The following ZNF853 variants were observed in gnomAD, a reference collection of about 807,000 sequenced individuals.
ZNF853 encodes zinc finger protein 853.
A neutral mutation model predicts 94.7 loss-of-function variants in ZNF853; 57 were observed. That is an observed-to-expected ratio of 0.60 (90% confidence interval 0.49 to 0.75). The LOEUF is 0.75. Ranked by LOEUF, ZNF853 falls within the 30% of genes least tolerant of loss-of-function variation. The probability of loss-of-function intolerance (pLI) is 0.00; values close to 1 mark genes in which losing one functional copy is unlikely to be tolerated. For synonymous variants in ZNF853, 448 were observed against 406.3 expected (o/e 1.10, Z -1.23); for missense variants, 785 against 868.9 (o/e 0.90, Z 1.21).
chr7:6,616,377 G>C, intron 1 of ZNF853, among the ~76,000 whole-genome samples, 191 bp downstream of exon 1: 1 of 152,280 alleles, frequency 6.6e-6, no homozygotes, highest in Admixed American at 6.5e-5. Flanking sequence ...TGCCTTGCCC[G>C]GGAGCTGGGG....
In ZNF853 at chr7:6,617,303, C is replaced by T. The variant is rs1478775218; in HGVS notation, c.126C>T (p.Leu42=). 2.0e-6 allele frequency: 3 copies of T among 1,480,056 alleles called. No individual in the cohort carries two copies. The highest frequency in any genetic ancestry group is 2.9e-5 in the African/African-American group (2 of 70,072). The allele number at this position is 1,480,056 out of a possible 1,614,324, so 91.7% of individuals were successfully genotyped here. A position where few individuals can be genotyped will look rare whatever the true frequency, so the allele number is the denominator to read the frequency against. ...ATGGGGGCCCAGGGCCTGACACCCT[C>T]TCAGGTGAGGGCCTCGGGGGATCCC... The part of the protein sequence containing the change: ...LEDGGPGPDT[L]SGGSGGSESQ... Residue 42 remains leucine, a synonymous_variant, in exon 2 of 3, where the codon CTC becomes CTT. Transcript: ENST00000457543.
intron 1 of ZNF853, among the ~76,000 whole-genome samples, 161 bp from the exon 2 acceptor site, chr7:6,617,029 G>A: frequency 1.3e-5 from 2 of 152,152 alleles, no homozygotes; most frequent in South Asian, 2.1e-4. Context: ...GGCACTCCCC[G>A]TTCCCCGTTG....
Position 6,622,103 on chromosome 7 carries a change from A to T in ZNF853, c.1112A>T (p.Gln371Leu). Residue 371 changes from glutamine (Q) to leucine (L), a missense_variant, in exon 3 of 3, where the codon CAG (glutamine) becomes CTG (leucine). Gln to Leu is a moderately radical substitution (Grantham distance 113). Coordinates refer to ENST00000457543, the MANE Select transcript of ZNF853 (RefSeq NM_017560.3). ...GAGGAGCTGCAGCAGCTGGAGCAAC[A>T]GCTGGAGCAGCAGCAGCAGCAGCTG... ...LQEELQQLEQQLEQQQQQLEQ... is the reference protein window; with the variant it reads ...LQEELQQLEQLLEQQQQQLEQ... 6.5e-7 allele frequency: 1 copy of T among 1,546,160 alleles called. No individual in the cohort carries two copies. The highest frequency in any genetic ancestry group is 2.4e-5 in the East Asian group (1 of 40,890).
chr7:6,621,813 A>ACAG lies in ZNF853; in HGVS notation c.830_832dup (p.Gln277dup). On this transcript the variant is annotated inframe_insertion, in exon 3 of 3. Coordinates refer to ENST00000457543, the MANE Select transcript of ZNF853 (RefSeq NM_017560.3). ...TGCTGGAACAGCAGCAGGCACAGTTACAGCAGCAGCTACTGCTGCAGCAGC... is the reference window on the plus strand; with the variant it reads ...TGCTGGAACAGCAGCAGGCACAGTTACAGCAGCAGCAGCTACTGCTGCAGCAGC... 1 of 1,550,474 alleles carries ACAG rather than the reference A, an allele frequency of 6.4e-7. No homozygotes were observed. The highest frequency in any genetic ancestry group is 1.4e-5 in the African/African-American group (1 of 73,138).
Position 6,622,785 on chromosome 7 carries a change from G to A in ZNF853, c.1794G>A (p.Val598=). Residue 598 remains valine, a synonymous_variant, in exon 3 of 3, where the codon GTG becomes GTA. Coordinates refer to ENST00000457543, the MANE Select transcript of ZNF853 (RefSeq NM_017560.3). ...RRTHSGERPY[V]CEDCGERFRH... ...CGCACTCGGGCGAGCGGCCCTACGTGTGCGAGGACTGTGGCGAGCGCTTCC... is the reference window on the plus strand; with the variant it reads ...CGCACTCGGGCGAGCGGCCCTACGTATGCGAGGACTGTGGCGAGCGCTTCC... The A allele has an allele frequency of 6.5e-7, 1 of 1,539,440 alleles. No homozygotes were observed. The highest frequency in any genetic ancestry group is 2.4e-5 in the East Asian group (1 of 40,864).
chr7:6,619,858 C>T, intron 2 of ZNF853, among the ~76,000 whole-genome samples: 1 of 151,904 alleles, frequency 6.6e-6, no homozygotes, highest in East Asian at 2.0e-4. Flanking sequence ...TTTGCAGGGC[C>T]TCCCAGGTTT....
chr7:6,620,565 T>TCCTTC, intron 2 of ZNF853, among the ~76,000 whole-genome samples: 5 of 150,322 alleles, frequency 3.3e-5, no homozygotes, highest in East Asian at 4.0e-4. Context: ...CCACCTACCT[T>TCCTTC]CCTTCCTTCC....
intron 1 of ZNF853, among the ~76,000 whole-genome samples, 168 bp from the exon 2 acceptor site, chr7:6,617,022 A>C: frequency 6.6e-6 from 1 of 151,632 alleles, no homozygotes; most frequent in Admixed American, 6.6e-5. Context: ...GGCCGCCGGC[A>C]CTCCCCGTTC....
chr7:6,622,971 A>G lies in ZNF853; in HGVS notation c.1980A>G (p.Ter660TrpextTer3). The change falls in exon 3 of 3, where the codon TGA becomes TGG. Residue 660 changes from the stop codon to tryptophan, a stop_lost. Transcript: ENST00000457543. ...CTGCGCCCGCAGACAAGGCGCTGTG[A>G]GGGCCGTGATCGGGGCTGCCTGGCC... is the stretch of plus-strand genomic sequence containing the variant. Reference protein sequence around the residue: ...TATAPADKAL* With the variant: ...TATAPADKALW The G allele has an allele frequency of 8.0e-7, 1 of 1,248,188 alleles. No homozygotes were observed. The highest frequency in any genetic ancestry group is 3.1e-5 in the East Asian group (1 of 31,808). 77.3% of individuals were successfully genotyped at this position (1,248,188 alleles called of 1,614,324 possible). A position where few individuals can be genotyped will look rare whatever the true frequency, so the allele number is the denominator to read the frequency against.
chr7:6,622,432 C>T lies in ZNF853; in HGVS notation c.1441C>T (p.Arg481Trp), dbSNP rs1490360051. 1.4e-6 allele frequency: 2 copies of T among 1,449,916 alleles called. No individual in the cohort carries two copies. The highest frequency in any genetic ancestry group is 1.8e-6 in the Non-Finnish European group (2 of 1,110,394). The allele number at this position is 1,449,916 out of a possible 1,614,324, so 89.8% of individuals were successfully genotyped here. A position where few individuals can be genotyped will look rare whatever the true frequency, so the allele number is the denominator to read the frequency against. Reference protein sequence around the residue: ...PARQRRRRRARDRPTICGECG... With the variant: ...PARQRRRRRAWDRPTICGECG... ...ACGGCAGCGGCGGCGGCGGCGCGCT[C>T]GGGACCGGCCGACCATCTGCGGGGA... The change falls in exon 3 of 3, where the codon CGG (arginine) becomes TGG (tryptophan). Residue 481 changes from arginine to tryptophan, a missense_variant. Coordinates refer to ENST00000457543, the MANE Select transcript of ZNF853 (RefSeq NM_017560.3).
intron 2 of ZNF853, among the ~76,000 whole-genome samples, chr7:6,619,740 A>G: frequency 6.6e-6 from 1 of 152,198 alleles, no homozygotes; most frequent in African/African-American, 2.4e-5. Flanking sequence ...AGTCACATGT[A>G]GAAAGAAGGA....
chr7:6,615,912 C>T lies in ZNF853; in HGVS notation c.-263C>T, dbSNP rs1223169438. 1.9e-5 allele frequency: 7 copies of T among 366,520 alleles called. No individual in the cohort carries two copies. The highest frequency in any genetic ancestry group is 3.5e-5 in the Non-Finnish European group (7 of 202,460). 22.7% of individuals were successfully genotyped at this position (366,520 alleles called of 1,614,324 possible). ...GCGCGGGATTCGGGGCCCTGCCTCC[C>T]GCCCCAGCCCCCGCCGGAGAGTCTC... On this transcript the variant is annotated 5_prime_UTR_variant, in exon 1 of 3. Coordinates refer to ENST00000457543, the MANE Select transcript of ZNF853 (RefSeq NM_017560.3). The surrounding 1 kb of genome is among the most constrained non-coding windows in gnomAD (Gnocchi z 8.5).
intron 1 of ZNF853, 108 bp from the exon 2 acceptor site, chr7:6,617,082 C>T: frequency 7.6e-6 from 6 of 789,898 alleles, no homozygotes; most frequent in Non-Finnish European, 5.9e-6. Flanking sequence ...GAGCTGACCG[C>T]TCTGGGTGGC....
At position 6,621,793 on chromosome 7, in the gene ZNF853, G is replaced by A. The variant is rs926021423; in HGVS notation, c.802G>A (p.Glu268Lys). Residue 268 changes from glutamate (E) to lysine (K), a missense_variant, in exon 3 of 3, where the codon GAA becomes AAA. Glu to Lys is a moderately conservative substitution (Grantham distance 56, BLOSUM62 1). Transcript: ENST00000457543. The part of the protein sequence containing the change: ...QQAQLQQQLL[E>K]QQQAQLQQQL... ...GGCACAGTTACAACAGCAGCTGCTG[G>A]AACAGCAGCAGGCACAGTTACAGCA... is the stretch of plus-strand genomic sequence containing the variant. 68 of 1,548,654 alleles carry A rather than the reference G, an allele frequency of 4.4e-5. 1 individual carries two copies. The Admixed American group carries it at 1.3e-3, about 30-fold the overall frequency.
At chr7:6,620,685 G>A in intron 2 of ZNF853, among the ~76,000 whole-genome samples, 1 of 150,352 alleles carries the variant, frequency 6.7e-6, no homozygotes, top group African/African-American at 2.5e-5. Flanking sequence ...ACAGTGGTGT[G>A]ATCTCGGCTC....
chr7:6,621,696 A>G lies in ZNF853; in HGVS notation c.705A>G (p.Leu235=). 3 of 1,551,278 alleles carry G rather than the reference A, an allele frequency of 1.9e-6. No individual in the cohort carries two copies. Among genetic ancestry groups the G allele is most frequent in the Non-Finnish European group, 2.6e-6 (3 of 1,146,962 alleles). The change falls in exon 3 of 3, where the codon TTA becomes TTG. Residue 235 remains leucine (L), a synonymous_variant. Transcript: ENST00000457543. The stretch of plus-strand genomic sequence containing the variant: ...AGTTTCAACAGCAGCAGGAACAGTT[A>G]CAGCAGCAGCAGCAGCTACTATTGC... ...QQQFQQQQEQ[L]QQQQQLLLLQ... is the part of the protein sequence containing the mutation.
rs1303488580 is a variant in ZNF853, at chr7:6,622,022, G to A, written c.1031G>A (p.Arg344Gln). ...GAGCAGCAGCGGCAGGAGTTGGAGC[G>A]GCAGCAGGAGCTGGAACGGCAGCAG... ...ELEQQRQELE[R>Q]QQELERQQEQ... Residue 344 changes from arginine to glutamine, a missense_variant, in exon 3 of 3, where the codon CGG (arginine) becomes CAG (glutamine). Coordinates refer to ENST00000457543, the MANE Select transcript of ZNF853 (RefSeq NM_017560.3). 2.6e-6 allele frequency: 4 copies of A among 1,548,842 alleles called. No individual in the cohort carries two copies. The highest frequency in any genetic ancestry group is 3.5e-6 in the Non-Finnish European group (4 of 1,146,338).
Position 6,622,401 on chromosome 7 carries a change from C to T in ZNF853, c.1410C>T (p.Thr470=), listed in dbSNP as rs1300799377. Residue 470 remains threonine (T), a synonymous_variant, in exon 3 of 3, where the codon ACC becomes ACT. Coordinates refer to ENST00000457543, the MANE Select transcript of ZNF853 (RefSeq NM_017560.3). The part of the protein sequence containing the change: ...IPGPAGSAAL[T]PARQRRRRRA... ...GCCCGGCAGGCAGCGCGGCGTTGACCCCTGCACGGCAGCGGCGGCGGCGGC... is the reference window on the plus strand; with the variant it reads ...GCCCGGCAGGCAGCGCGGCGTTGACTCCTGCACGGCAGCGGCGGCGGCGGC... 3.6e-6 allele frequency: 5 copies of T among 1,401,846 alleles called. No individual in the cohort carries two copies. The highest frequency in any genetic ancestry group is 3.1e-5 in the African/African-American group (2 of 64,600). The allele number at this position is 1,401,846 out of a possible 1,614,324, so 86.8% of individuals were successfully genotyped here.
At chr7:6,617,040 C>G in intron 1 of ZNF853, 150 bp from the exon 2 acceptor site, 1 of 519,282 alleles carries the variant, frequency 1.9e-6, no homozygotes, top group Admixed American at 3.7e-5. Flanking sequence ...TTCCCCGTTG[C>G]GGGGGACAGT....
Sources: allele counts gnomAD v4.1 joint callset (sites outside exome capture counted in the v4.1 genomes callset), GRCh38; gene constraint gnomAD v4.1.1; non-coding constraint Gnocchi (gnomAD v3.1); transcripts MANE v1.5; gene names NCBI Gene and HGNC (gene_info 2026-07-23, HGNC 2026-07-21).